Variants in SPIRE1 observed in about 807,000 individuals in gnomAD.
The protein encoded by SPIRE1 is spire type actin nucleation factor 1.
Under a neutral mutation model 94.1 loss-of-function variants are expected in SPIRE1, and 40 were observed. The observed-to-expected ratio is 0.43, with a 90% confidence interval of 0.33 to 0.55. The LOEUF (loss-of-function observed/expected upper bound fraction) is 0.55, where lower values mean the gene tolerates loss of function less well. SPIRE1 is among the 20% of genes least tolerant of loss of function. The pLI, the probability that SPIRE1 is intolerant of heterozygous loss-of-function variation, is 0.06. For synonymous variants in SPIRE1, 376 were observed against 371.7 expected (o/e 1.01, Z -0.13); for missense variants, 838 against 975.2 (o/e 0.86, Z 1.87).
At chr18:12,496,586 T>C (rs2033466861) in intron 6 of SPIRE1, among the ~76,000 whole-genome samples, 1 of 151,950 alleles carries the variant, frequency 6.6e-6, no homozygotes. Flanking sequence ...ATACAAAAAT[T>C]AGGCTGGGTG....
rs932864279 is a variant in SPIRE1, at chr18:12,559,221, C to A, written c.373-12317G>T. Reference sequence around the variant, plus strand: ...CGCCGGCATGGCAGGCTGCAGGTCCCGAGCCCTGCCCCGCAGGGAGGCAGC... The same window carrying A: ...CGCCGGCATGGCAGGCTGCAGGTCCAGAGCCCTGCCCCGCAGGGAGGCAGC... On this transcript the variant is annotated intron_variant, in intron 2 of 16. Transcript: ENST00000409402. The surrounding 1 kb of genome is among the most constrained non-coding windows in gnomAD (Gnocchi z 4.7). Among the ~76,000 whole-genome samples the A allele has an allele frequency of 6.6e-6, 1 of 152,078 alleles. No homozygotes were observed. The highest frequency in any genetic ancestry group is 1.5e-5 in the Non-Finnish European group (1 of 67,958).
chr18:12,657,642 G>T lies in SPIRE1; in HGVS notation c.225C>A (p.Arg75=). Residue 75 remains arginine (R), a synonymous_variant, in exon 1 of 17, where the codon CGC becomes CGA. Coordinates refer to ENST00000409402, the MANE Select transcript of SPIRE1 (RefSeq NM_001128626.2). ...AGCGCACACGGTGGCGGGGCTGGCG[G>T]CGGCGGGCGGCGGCGCGCAGGGAAC... ...CCGSLRAAAR[R]RQPRHRVRSA... 1 of 1,314,440 alleles carries T rather than the reference G, an allele frequency of 7.6e-7. No individual in the cohort carries two copies. 81.4% of individuals were successfully genotyped at this position (1,314,440 alleles called of 1,614,324 possible). A position where few individuals can be genotyped will look rare whatever the true frequency, so the allele number is the denominator to read the frequency against.
At chr18:12,597,919 G>A (rs2036723505) in intron 2 of SPIRE1, among the ~76,000 whole-genome samples, 1 of 152,158 alleles carries the variant, frequency 6.6e-6, no homozygotes, top group African/African-American at 2.4e-5. Context: ...CTAGATGTAA[G>A]ACTGAGGAAA....
chr18:12,641,271 G>A (rs2038075310), intron 1 of SPIRE1, among the ~76,000 whole-genome samples: 1 of 151,648 alleles, frequency 6.6e-6, no homozygotes, highest in South Asian at 2.1e-4. Context: ...GACAATTTTT[G>A]TATTATTACT....
At chr18:12,601,615 T>G (rs1487898924) in intron 2 of SPIRE1, among the ~76,000 whole-genome samples, 1 of 152,170 alleles carries the variant, frequency 6.6e-6, no homozygotes, top group African/African-American at 2.4e-5. Flanking sequence ...AGAAAATTCA[T>G]GCCCATTTGC....
At chr18:12,479,024 T>A (rs188971845) in intron 10 of SPIRE1, among the ~76,000 whole-genome samples, 110 of 152,244 alleles carry the variant, frequency 7.2e-4, no homozygotes, top group Non-Finnish European at 6.5e-4. Context: ...CAAAATGTTT[T>A]TCTTAACTTT....
At chr18:12,543,229 G>A (rs1164290996) in intron 3 of SPIRE1, among the ~76,000 whole-genome samples, 1 of 152,114 alleles carries the variant, frequency 6.6e-6, no homozygotes, top group Non-Finnish European at 1.5e-5. Context: ...ATTGCCTTTA[G>A]TCAAGGTCTG....
chr18:12,449,686 T>C lies in SPIRE1; in HGVS notation c.2223A>G (p.Pro741=), dbSNP rs758917478. 4 of 1,614,186 alleles carry C rather than the reference T, an allele frequency of 2.5e-6. No homozygotes were observed. The South Asian group carries it at 3.3e-5, about 13-fold the overall frequency. The change falls in exon 17 of 17, where the codon CCA becomes CCG. Residue 741 remains proline (P), a synonymous_variant. Coordinates refer to ENST00000409402, the MANE Select transcript of SPIRE1 (RefSeq NM_001128626.2). ...CTGAAGGGCAGTACTCCGAGGGGCC[T>C]GGCGAGGACATGTAGAAAGACTGCG... is the stretch of plus-strand genomic sequence containing the variant. The part of the protein sequence containing the change: ...RKTQSFYMSS[P]GPSEYCPSER...
At chr18:12,643,008 A>G (rs1046185727) in intron 1 of SPIRE1, among the ~76,000 whole-genome samples, 1 of 152,234 alleles carries the variant, frequency 6.6e-6, no homozygotes, top group African/African-American at 2.4e-5. Flanking sequence ...TACTGTATTC[A>G]TAAGTATAAT....
At chr18:12,635,671 C>G (rs1009134372) in intron 1 of SPIRE1, among the ~76,000 whole-genome samples, 1 of 152,210 alleles carries the variant, frequency 6.6e-6, no homozygotes, top group Middle Eastern at 3.4e-3. Flanking sequence ...CAATATTTGG[C>G]TGCACCAACA....
At position 12,657,871 on chromosome 18, in the gene SPIRE1, C is replaced by A; in HGVS notation, c.-5G>T. On this transcript the variant is annotated 5_prime_UTR_variant, in exon 1 of 17. Coordinates refer to ENST00000409402, the MANE Select transcript of SPIRE1 (RefSeq NM_001128626.2). ...CGGGCCAGCCGCCTGAGCCATCCCG[C>A]GGGTGGGCGCTGCGCTCGGCAGTCG... 1 of 1,063,774 alleles carries A rather than the reference C, an allele frequency of 9.4e-7. No individual in the cohort carries two copies. The highest frequency in any genetic ancestry group is 1.1e-6 in the Non-Finnish European group (1 of 884,060). The allele number at this position is 1,063,774 out of a possible 1,614,324, so 65.9% of individuals were successfully genotyped here.
rs531860583 is a variant in SPIRE1 at position 12,463,241 on chromosome 18, C to A, written c.1638+110G>T. ...GCTATTAAGTAAGTTATTCAAAATTCATTCTAACTTTTGCAAGTTTTTTTC... is the reference window on the plus strand; with the variant it reads ...GCTATTAAGTAAGTTATTCAAAATTAATTCTAACTTTTGCAAGTTTTTTTC... On this transcript the variant is annotated intron_variant, in intron 12 of 16. Coordinates refer to ENST00000409402, the MANE Select transcript of SPIRE1 (RefSeq NM_001128626.2). 2.1e-5 allele frequency: 24 copies of A among 1,121,642 alleles called. No homozygotes were observed. In the South Asian group the frequency reaches 5.1e-4, roughly 24 times the overall value. The allele number at this position is 1,121,642 out of a possible 1,614,324, so 69.5% of individuals were successfully genotyped here.
Position 12,512,440 on chromosome 18 carries a change from T to C in SPIRE1, c.807+14A>G, listed in dbSNP as rs1243289671. 6.3e-7 allele frequency: 1 copy of C among 1,591,508 alleles called. No individual in the cohort carries two copies. Among genetic ancestry groups the C allele is most frequent in the Non-Finnish European group, 8.6e-7 (1 of 1,161,588 alleles). ...TAGACAGTAAACAGATCAGAAAGCA[T>C]TTCCAGCTCTTACCCAGTCAGCGTT... On this transcript the variant is annotated intron_variant, in intron 5 of 16. Transcript: ENST00000409402.
At chr18:12,510,101 TA>T in intron 5 of SPIRE1, among the ~76,000 whole-genome samples, 1 of 146,162 alleles carries the variant, frequency 6.8e-6, no homozygotes, top group Non-Finnish European at 1.5e-5. Flanking sequence ...AAAAAAAAAC[TA>T]AAAAAACAGT....
At chr18:12,597,424 G>A (rs754153715) in intron 2 of SPIRE1, among the ~76,000 whole-genome samples, 2 of 152,074 alleles carry the variant, frequency 1.3e-5, no homozygotes, top group South Asian at 2.1e-4. Context: ...GGCAAGCATC[G>A]AAGAGGCCAC....
intron 2 of SPIRE1, among the ~76,000 whole-genome samples, chr18:12,614,657 A>G (rs900060031): frequency 1.3e-5 from 2 of 151,860 alleles, no homozygotes; most frequent in Non-Finnish European, 2.9e-5. Context: ...CTCTACTAAA[A>G]ATACAAGAAA....
rs9961556 is a variant in SPIRE1, at chr18:12,640,500, A to G, written c.338-5404T>C. 2.5e-3 allele frequency among the ~76,000 whole-genome samples: 377 copies of G among 152,364 alleles called. 3 individuals are homozygous for G. The highest frequency in any genetic ancestry group is 8.8e-3 in the African/African-American group (364 of 41,596). On this transcript the variant is annotated intron_variant, in intron 1 of 16. Coordinates refer to ENST00000409402, the MANE Select transcript of SPIRE1 (RefSeq NM_001128626.2). ...AGCACTGATGACACACTGTCGTAGTAAACAAGCTAGACACAGTTCTTGCCT... is the reference window on the plus strand; with the variant it reads ...AGCACTGATGACACACTGTCGTAGTGAACAAGCTAGACACAGTTCTTGCCT...
At chr18:12,536,009 A>T (rs936808488) in intron 3 of SPIRE1, among the ~76,000 whole-genome samples, 1 of 152,166 alleles carries the variant, frequency 6.6e-6, no homozygotes, top group African/African-American at 2.4e-5. Flanking sequence ...GTATTTTCAT[A>T]TCAGACAGCC....
intron 2 of SPIRE1, among the ~76,000 whole-genome samples, chr18:12,581,488 C>A (rs765867536): frequency 6.6e-6 from 1 of 152,164 alleles, no homozygotes; most frequent in Non-Finnish European, 1.5e-5. Flanking sequence ...AAAAGCCACA[C>A]TATTTTTACT....
Sources: allele counts gnomAD v4.1 joint callset (sites outside exome capture counted in the v4.1 genomes callset), GRCh38; gene constraint gnomAD v4.1.1; non-coding constraint Gnocchi (gnomAD v3.1); transcripts MANE v1.5; gene names NCBI Gene and HGNC (gene_info 2026-07-23, HGNC 2026-07-21).